The following GRM8 variants were observed in gnomAD, a reference collection of about 807,000 sequenced individuals.
GRM8 encodes the protein glutamate metabotropic receptor 8, also known as metabotropic glutamate receptor 8.
GRM8 carries 47 observed loss-of-function variants against 87.2 expected under a neutral mutation model. The observed-to-expected ratio is 0.54, with a 90% CI of 0.43 to 0.69. GRM8 has a LOEUF of 0.69. Ranked by LOEUF, GRM8 falls within the 30% of genes least tolerant of loss-of-function variation. GRM8 has a pLI of 0.00. For synonymous variants in GRM8, 396 were observed against 404.5 expected, an observed-to-expected ratio of 0.98 and a Z score of 0.25; for missense variants, 1,019 against 1,139.2, an observed-to-expected ratio of 0.89 and a Z score of 1.52.
At chr7:126,494,863 T>G (rs1808508120) in intron 9 of GRM8, among the ~76,000 whole-genome samples, 1 of 152,030 alleles carries the variant, frequency 6.6e-6, no homozygotes. Context: ...ACATTCCCTT[T>G]GAAGAAAACT....
At chr7:127,048,841 T>C (rs1819191244) in intron 3 of GRM8, among the ~76,000 whole-genome samples, 1 of 152,210 alleles carries the variant, frequency 6.6e-6, no homozygotes, top group South Asian at 2.1e-4. Context: ...TTTTATGAAT[T>C]TTTAGATAAA....
At chr7:126,759,755 C>G (rs999576589) in intron 7 of GRM8, among the ~76,000 whole-genome samples, 2 of 152,128 alleles carry the variant, frequency 1.3e-5, no homozygotes, top group African/African-American at 4.8e-5. Context: ...CCCAAGCAGT[C>G]TAAATATTCT....
intron 7 of GRM8, among the ~76,000 whole-genome samples, chr7:126,672,724 AT>A (rs938345300): frequency 7.2e-5 from 11 of 151,942 alleles, no homozygotes; most frequent in Non-Finnish European, 1.5e-4. Flanking sequence ...AGGCCTTGGG[AT>A]TTTTGAGCTA....
intron 6 of GRM8, among the ~76,000 whole-genome samples, chr7:126,801,744 G>A: frequency 6.6e-6 from 1 of 152,104 alleles, no homozygotes; most frequent in Non-Finnish European, 1.5e-5. Context: ...CCCTCTCATA[G>A]TAAGAAGGTA....
At chr7:126,499,185 G>A (rs1466718504) in intron 9 of GRM8, among the ~76,000 whole-genome samples, 2 of 151,390 alleles carry the variant, frequency 1.3e-5, no homozygotes, top group African/African-American at 4.9e-5. Context: ...TGGGGGAAGA[G>A]TGTCTGCAAA....
At chr7:126,508,251 G>GCACACA (rs10609479) in intron 9 of GRM8, among the ~76,000 whole-genome samples, 3 of 150,238 alleles carry the variant, frequency 2.0e-5, no homozygotes, top group Non-Finnish European at 4.4e-5. Context: ...ACACACACTG[G>GCACACA]CACACACACA....
chr7:126,648,044 T>C (rs1803364599), intron 7 of GRM8, among the ~76,000 whole-genome samples: 1 of 152,168 alleles, frequency 6.6e-6, no homozygotes, highest in Non-Finnish European at 1.5e-5. Context: ...CCATCTCACA[T>C]TCAATTCTCC....
At chr7:126,678,316 G>A (rs140833310) in intron 7 of GRM8, among the ~76,000 whole-genome samples, 482 of 152,256 alleles carry the variant, frequency 3.2e-3, no homozygotes, top group Non-Finnish European at 5.2e-3. Flanking sequence ...ATATAGACTA[G>A]TGTTCTTGAT....
intron 8 of GRM8, among the ~76,000 whole-genome samples, chr7:126,607,006 T>C (rs1225286855): frequency 3.3e-5 from 5 of 152,242 alleles, no homozygotes; most frequent in Non-Finnish European, 5.9e-5. Flanking sequence ...ATCATCAGAA[T>C]ATATTAATGA....
intron 9 of GRM8, among the ~76,000 whole-genome samples, chr7:126,447,971 T>C (rs1413787786): frequency 6.6e-6 from 1 of 152,028 alleles, no homozygotes; most frequent in Non-Finnish European, 1.5e-5. Flanking sequence ...GATGTGTACG[T>C]TTACGGCTTA....
At chr7:126,968,023 A>G (rs564966517) in intron 3 of GRM8, among the ~76,000 whole-genome samples, 1 of 152,234 alleles carries the variant, frequency 6.6e-6, no homozygotes, top group Non-Finnish European at 1.5e-5. Flanking sequence ...GCACCTATAA[A>G]TGTACACGAT....
intron 7 of GRM8, among the ~76,000 whole-genome samples, chr7:126,646,323 A>AAAGG (rs1229174369): frequency 2.1e-5 from 2 of 96,688 alleles, no homozygotes; most frequent in Non-Finnish European, 2.2e-5. Context: ...AGGAAGGAAG[A>AAAGG]AAGGAAGGAA....
intron 8 of GRM8, among the ~76,000 whole-genome samples, chr7:126,553,518 G>T (rs1203309122): frequency 6.6e-6 from 1 of 152,138 alleles, no homozygotes; most frequent in African/African-American, 2.4e-5. Context: ...TCTGAAAGGT[G>T]AATTCGTCAC....
chr7:126,580,713 G>A (rs937219044), intron 8 of GRM8, among the ~76,000 whole-genome samples: 2 of 152,058 alleles, frequency 1.3e-5, no homozygotes, highest in Non-Finnish European at 2.9e-5. Flanking sequence ...GTCATTCAAA[G>A]AGTACCTAAT....
chr7:126,668,010 C>T (rs1805964390), intron 7 of GRM8, among the ~76,000 whole-genome samples: 2 of 152,152 alleles, frequency 1.3e-5, no homozygotes, highest in Admixed American at 6.5e-5. Flanking sequence ...ACTGAGACAG[C>T]GAAGGGGTGC....
At chr7:126,474,586 C>G (rs1805682388) in intron 9 of GRM8, among the ~76,000 whole-genome samples, 1 of 152,128 alleles carries the variant, frequency 6.6e-6, no homozygotes. Context: ...TAATCCTTAG[C>G]TGAAAACCTA....
At chr7:126,709,320 G>A (rs1402094726) in intron 7 of GRM8, among the ~76,000 whole-genome samples, 1 of 152,164 alleles carries the variant, frequency 6.6e-6, no homozygotes, top group African/African-American at 2.4e-5. Flanking sequence ...CTATGCAGAA[G>A]GCTGAAGTGG....
chr7:126,447,622 AAAC>A (rs1304658419), intron 9 of GRM8, among the ~76,000 whole-genome samples: 11 of 151,968 alleles, frequency 7.2e-5, no homozygotes, highest in Non-Finnish European at 1.3e-4. Context: ...AAACAAAACA[AAAC>A]AAAAAAAACC....
At chr7:127,049,294 T>C (rs907881591) in intron 3 of GRM8, among the ~76,000 whole-genome samples, 1 of 152,214 alleles carries the variant, frequency 6.6e-6, no homozygotes, top group African/African-American at 2.4e-5. Context: ...GATTTACTAA[T>C]GAAATATTTC....
Sources: allele counts gnomAD v4.1 joint callset (sites outside exome capture counted in the v4.1 genomes callset), GRCh38; gene constraint gnomAD v4.1.1; transcripts MANE v1.5; gene names NCBI Gene and HGNC (gene_info 2026-07-23, HGNC 2026-07-21).